The following DPYSL3 variants were observed in gnomAD, a reference collection of about 807,000 sequenced individuals.
DPYSL3 encodes dihydropyrimidinase-related protein 3.
In DPYSL3, 16 loss-of-function variants were observed where a neutral mutation model predicts 66.1. The observed-to-expected ratio is 0.24, with a 90% confidence interval of 0.16 to 0.37. The LOEUF (loss-of-function observed/expected upper bound fraction) is 0.37, where lower values mean the gene tolerates loss of function less well. DPYSL3 is among the 10% of genes least tolerant of loss of function. DPYSL3 has a pLI of 1.00. For missense variants in DPYSL3, 738 were observed against 916.2 expected (o/e 0.81, Z 2.51); for synonymous variants, 338 against 345.1 (o/e 0.98, Z 0.23).
chr5:147,413,601 T>C lies in DPYSL3; in HGVS notation c.877A>G (p.Thr293Ala). Reference protein sequence around the residue: ...AYKDLYQVSNTELYEIFTCLG... With the variant: ...AYKDLYQVSNAELYEIFTCLG... ...CATAGCAAATGGGTTGTTACCTCTG[T>C]GTTAGATACTTGATACAAATCCTTA... Residue 293 changes from threonine to alanine, a missense_variant, in exon 5 of 14, where the codon ACA becomes GCA. Transcript: ENST00000343218. The C allele has an allele frequency of 6.2e-7, 1 of 1,612,564 alleles. No homozygotes were observed.
rs1481432461 is a variant in DPYSL3, at chr5:147,509,900, A to C, written c.-42T>G. The C allele has an allele frequency of 6.8e-7, 1 of 1,471,596 alleles. No homozygotes were observed. Among genetic ancestry groups the C allele is most frequent in the Non-Finnish European group, 9.0e-7 (1 of 1,112,714 alleles). 91.2% of individuals were successfully genotyped at this position (1,471,596 alleles called of 1,614,324 possible). On this transcript the variant is annotated 5_prime_UTR_variant, in exon 1 of 14. Transcript: ENST00000343218. This position sits in a 1 kb window ranked among gnomAD's most constrained non-coding sequence, Gnocchi z 5.3. Reference sequence around the variant, plus strand: ...CGGCCCGCGGGTTTTTCTTCCCCAGAGGCGGAAAGGGCAGCCGCCGGCAGC... The same window carrying C: ...CGGCCCGCGGGTTTTTCTTCCCCAGCGGCGGAAAGGGCAGCCGCCGGCAGC...
intron 1 of DPYSL3, among the ~76,000 whole-genome samples, chr5:147,497,456 A>G (rs1261289779): frequency 6.6e-6 from 1 of 152,192 alleles, no homozygotes. Context: ...CTAATGAACA[A>G]AGATGCAAAA....
At chr5:147,450,093 T>C (rs1561792672) in intron 1 of DPYSL3, among the ~76,000 whole-genome samples, 1 of 152,092 alleles carries the variant, frequency 6.6e-6, no homozygotes, top group East Asian at 1.9e-4. Flanking sequence ...GTGAGGGACA[T>C]GCATTTTAAT....
At chr5:147,491,076 A>G (rs1240314386) in intron 1 of DPYSL3, among the ~76,000 whole-genome samples, 1 of 152,232 alleles carries the variant, frequency 6.6e-6, no homozygotes, top group African/African-American at 2.4e-5. Context: ...CTAAGCTGCT[A>G]GAGTTTTGTC....
intron 8 of DPYSL3, among the ~76,000 whole-genome samples, chr5:147,404,159 C>G (rs1041597189): frequency 1.3e-5 from 2 of 152,194 alleles, no homozygotes; most frequent in East Asian, 1.9e-4. Context: ...GTGAGGAGCA[C>G]TGGGCTGCTT....
chr5:147,502,012 A>G (rs1753619133), intron 1 of DPYSL3, among the ~76,000 whole-genome samples: 1 of 152,092 alleles, frequency 6.6e-6, no homozygotes, highest in Non-Finnish European at 1.5e-5. Context: ...AAATACCATA[A>G]TCTGTGTGGC....
intron 1 of DPYSL3, among the ~76,000 whole-genome samples, chr5:147,495,452 C>A (rs1581218393): frequency 6.6e-6 from 1 of 152,320 alleles, no homozygotes; most frequent in Admixed American, 6.5e-5. Flanking sequence ...AAGAGGAAGT[C>A]AAATTGTCCC....
chr5:147,400,707 G>T lies in DPYSL3; in HGVS notation c.1437C>A (p.Ile479=), dbSNP rs200870327. 7.3e-5 allele frequency: 118 copies of T among 1,613,962 alleles called. No individual in the cohort carries two copies. The highest frequency in any genetic ancestry group is 9.3e-5 in the Non-Finnish European group (110 of 1,179,978). The stretch of plus-strand genomic sequence containing the variant: ...CATGCCTTACCACAGCCTTGTCCCA[G>T]ATGACAGACATCCGCTCCTCCACAC... ...TNGVEERMSV[I]WDKAVATGKM... The change falls in exon 10 of 14, where the codon ATC becomes ATA. Residue 479 remains isoleucine (I), a synonymous_variant. Transcript: ENST00000343218.
chr5:147,498,697 G>C (rs562208171), intron 1 of DPYSL3, among the ~76,000 whole-genome samples: 3 of 152,254 alleles, frequency 2.0e-5, no homozygotes, highest in African/African-American at 7.2e-5. Flanking sequence ...CAGTGATGTT[G>C]AGCTTTTTTT....
rs1161826323 is a variant in DPYSL3 at position 147,392,633 on chromosome 5, T to C, written c.*1402A>G. The C allele has an allele frequency of 1.3e-5, 2 of 152,204 alleles. No homozygotes were observed. The highest frequency in any genetic ancestry group is 1.9e-4 in the East Asian group (1 of 5,198). 9.4% of individuals were successfully genotyped at this position (152,204 alleles called of 1,614,324 possible). A position where few individuals can be genotyped will look rare whatever the true frequency, so the allele number is the denominator to read the frequency against. On this transcript the variant is annotated 3_prime_UTR_variant, in exon 14 of 14. Transcript: ENST00000343218. ...CAAAACTGAATTTTCAGAAGCAGCA[T>C]GATAGGGAAAGAGATATTCAACTCT...
At chr5:147,449,667 T>C (rs1248554570) in intron 1 of DPYSL3, among the ~76,000 whole-genome samples, 1 of 152,192 alleles carries the variant, frequency 6.6e-6, no homozygotes, top group East Asian at 1.9e-4. Flanking sequence ...CAACTCTAAA[T>C]AACTGACTTC....
chr5:147,494,943 T>A (rs1255606020), intron 1 of DPYSL3, among the ~76,000 whole-genome samples: 2 of 151,312 alleles, frequency 1.3e-5, no homozygotes, highest in Admixed American at 1.3e-4. Flanking sequence ...ACCCATAGAT[T>A]TGATAAACTA....
rs1049514542 is a variant in DPYSL3, at chr5:147,399,387, C to T, written c.1453-135G>A. 16 of 997,338 alleles carry T rather than the reference C, an allele frequency of 1.6e-5. No homozygotes were observed. The Admixed American group carries it at 2.1e-4, about 13-fold the overall frequency. The allele number at this position is 997,338 out of a possible 1,614,324, so 61.8% of individuals were successfully genotyped here. ...AGCCACCTGAAAAGCTGGTGAGCTACAGAACCTCACTCAGCAAGCTCGAAT... is the reference window on the plus strand; with the variant it reads ...AGCCACCTGAAAAGCTGGTGAGCTATAGAACCTCACTCAGCAAGCTCGAAT... On this transcript the variant is annotated intron_variant, in intron 10 of 13. Coordinates refer to ENST00000343218, the MANE Select transcript of DPYSL3 (RefSeq NM_001197294.2).
chr5:147,419,919 T>C (rs1038449804), intron 2 of DPYSL3, among the ~76,000 whole-genome samples: 4 of 152,176 alleles, frequency 2.6e-5, no homozygotes, highest in Non-Finnish European at 5.9e-5. Flanking sequence ...GGTTCTCCTT[T>C]AAGGAAAATT....
At chr5:147,409,467 C>T (rs1751800667) in intron 6 of DPYSL3, among the ~76,000 whole-genome samples, 2 of 152,056 alleles carry the variant, frequency 1.3e-5, no homozygotes, top group Non-Finnish European at 2.9e-5. Flanking sequence ...CAAAATTTAA[C>T]GAAACAAAAT....
At chr5:147,394,589 C>T (rs1309783722) in intron 13 of DPYSL3, among the ~76,000 whole-genome samples, 1 of 151,056 alleles carries the variant, frequency 6.6e-6, no homozygotes, top group Non-Finnish European at 1.5e-5. Flanking sequence ...TTTGTGACAA[C>T]AGCACAAAAA....
In DPYSL3 at chr5:147,407,091, G is replaced by T. The variant is rs184294619; in HGVS notation, c.1033-1361C>A. Among the ~76,000 whole-genome samples the T allele has an allele frequency of 6.6e-5, 10 of 152,252 alleles. No individual in the cohort carries two copies. The East Asian group carries it at 1.9e-3, about 30-fold the overall frequency. On this transcript the variant is annotated intron_variant, in intron 7 of 13. Coordinates refer to ENST00000343218, the MANE Select transcript of DPYSL3 (RefSeq NM_001197294.2). Reference sequence around the variant, plus strand: ...CAGCATCACTTGAGGTGGTGTCTGGGTATGCTTGAATTGAACAGGGGCTGG... The same window carrying T: ...CAGCATCACTTGAGGTGGTGTCTGGTTATGCTTGAATTGAACAGGGGCTGG...
At chr5:147,397,553 A>C in intron 12 of DPYSL3, 113 bp downstream of exon 12, 1 of 1,157,228 alleles carries the variant, frequency 8.6e-7, no homozygotes, top group Non-Finnish European at 1.2e-6. Context: ...ACTGTCACTG[A>C]ATTTCTCTGT....
intron 1 of DPYSL3, among the ~76,000 whole-genome samples, chr5:147,444,493 G>A (rs1400224768): frequency 6.6e-6 from 1 of 152,076 alleles, no homozygotes; most frequent in Non-Finnish European, 1.5e-5. Flanking sequence ...TATCATACCT[G>A]ATTATATTAT....
Sources: allele counts gnomAD v4.1 joint callset (sites outside exome capture counted in the v4.1 genomes callset), GRCh38; gene constraint gnomAD v4.1.1; non-coding constraint Gnocchi (gnomAD v3.1); transcripts MANE v1.5; gene names NCBI Gene and HGNC (gene_info 2026-07-23, HGNC 2026-07-21).